Variants in ROBO2 observed in about 807,000 individuals in gnomAD.
ROBO2 encodes the protein roundabout homolog 2.
A neutral mutation model predicts 160.8 loss-of-function variants in ROBO2; 53 were observed. The observed-to-expected ratio is 0.33, with a 90% CI of 0.26 to 0.41. ROBO2 has a LOEUF of 0.41. Among genes scored for constraint, ROBO2 ranks in the 10% least tolerant of loss-of-function variants. The pLI is 1.00. For synonymous variants in ROBO2, 664 were observed against 611.7 expected (o/e 1.09, Z -1.26); for missense variants, 1,577 against 1,722.4 (o/e 0.92, Z 1.49).
At chr3:75,918,916 A>G (rs1010410904) in intron 1 of ROBO2, among the ~76,000 whole-genome samples, 21 of 152,168 alleles carry the variant, frequency 1.4e-4, no homozygotes, top group African/African-American at 5.1e-4. Flanking sequence ...AAAGTTGTTT[A>G]TCAGGTTAAG....
intron 2 of ROBO2, among the ~76,000 whole-genome samples, chr3:76,854,253 C>T (rs1309272678): frequency 6.6e-6 from 1 of 151,990 alleles, no homozygotes; most frequent in East Asian, 1.9e-4. Flanking sequence ...ATTTATATAA[C>T]CTGCTCCCTA....
chr3:76,847,678 A>G (rs927210831), intron 2 of ROBO2, among the ~76,000 whole-genome samples: 2 of 152,122 alleles, frequency 1.3e-5, no homozygotes, highest in Admixed American at 6.6e-5. Flanking sequence ...GGCATTGCTG[A>G]AAGGTGGTAT....
intron 2 of ROBO2, among the ~76,000 whole-genome samples, chr3:76,834,044 C>CTTTCTTTCCTT (rs1377976739): frequency 4.5e-5 from 5 of 112,174 alleles, no homozygotes; most frequent in Non-Finnish European, 7.6e-5. Flanking sequence ...TCTTTCCTTT[C>CTTTCTTTCCTT]TTTCTCTCCT....
intron 2 of ROBO2, among the ~76,000 whole-genome samples, chr3:76,833,024 T>C (rs2067221410): frequency 6.6e-6 from 1 of 152,158 alleles, no homozygotes; most frequent in African/African-American, 2.4e-5. Flanking sequence ...GAAAAAATTA[T>C]ATATAACATG....
chr3:76,638,941 T>G (rs1297639119), intron 2 of ROBO2, among the ~76,000 whole-genome samples: 1 of 152,174 alleles, frequency 6.6e-6, no homozygotes, highest in Admixed American at 6.5e-5. Flanking sequence ...TGTCAAGCAC[T>G]GGGGTGATAT....
At chr3:76,715,999 C>T (rs1404081251) in intron 2 of ROBO2, among the ~76,000 whole-genome samples, 1 of 152,138 alleles carries the variant, frequency 6.6e-6, no homozygotes, top group East Asian at 1.9e-4. Flanking sequence ...TGGTTGGAAG[C>T]TTTGTTCTGA....
intron 2 of ROBO2, among the ~76,000 whole-genome samples, chr3:76,319,148 A>T (rs1431790519): frequency 6.6e-6 from 1 of 152,172 alleles, no homozygotes; most frequent in Non-Finnish European, 1.5e-5. Context: ...ATTCAGTCTC[A>T]TCAGTCCTGA....
intron 2 of ROBO2, among the ~76,000 whole-genome samples, chr3:77,178,991 T>C (rs1402009022): frequency 2.6e-5 from 4 of 152,040 alleles, no homozygotes; most frequent in Admixed American, 1.3e-4. Flanking sequence ...TTCATTTTGA[T>C]GTATTTAGTG....
At chr3:76,708,445 A>G (rs2093216868) in intron 2 of ROBO2, among the ~76,000 whole-genome samples, 1 of 152,190 alleles carries the variant, frequency 6.6e-6, no homozygotes, top group Admixed American at 6.5e-5. Context: ...ATGAAGTGGA[A>G]GTTTAAGGAT....
intron 2 of ROBO2, among the ~76,000 whole-genome samples, chr3:76,628,168 A>G (rs2089786235): frequency 6.6e-6 from 1 of 152,152 alleles, no homozygotes; most frequent in African/African-American, 2.4e-5. Context: ...CTTGATTTTT[A>G]TTCACTAGAG....
intron 2 of ROBO2, among the ~76,000 whole-genome samples, chr3:76,517,778 G>T (rs1411335276): frequency 6.6e-6 from 1 of 152,104 alleles, no homozygotes; most frequent in African/African-American, 2.4e-5. Flanking sequence ...TATACTTGAA[G>T]TCACTTATAT....
intron 2 of ROBO2, among the ~76,000 whole-genome samples, chr3:76,799,342 C>T (rs1211289379): frequency 1.3e-5 from 2 of 152,056 alleles, no homozygotes; most frequent in Non-Finnish European, 2.9e-5. Flanking sequence ...CTACTCTCAC[C>T]ACTGTTATTC....
rs116217472 is a variant in ROBO2, at chr3:77,552,984, G to A, written c.1231+1995G>A. Among the ~76,000 whole-genome samples the A allele has an allele frequency of 3.6e-3, 551 of 152,066 alleles. 3 individuals carry two copies. Among genetic ancestry groups the A allele is most frequent in the African/African-American group, 0.012 (518 of 41,520 alleles). ...ATGGTAGAATGAAAACGTATGTCAT[G>A]TTCAGAGAAAGAAGTGATTACAGGC... is the stretch of plus-strand genomic sequence containing the variant. On this transcript the variant is annotated intron_variant, in intron 8 of 25. Transcript: ENST00000461745.
intron 2 of ROBO2, among the ~76,000 whole-genome samples, chr3:76,136,373 T>TGTG (rs1312857986): frequency 3.4e-4 from 52 of 152,072 alleles, no homozygotes; most frequent in Non-Finnish European, 5.9e-5. Context: ...TGACTTAAAA[T>TGTG]GAACAGTGTT....
chr3:75,927,976 CTTTTTTTTTTTTT>C (rs71101865), intron 1 of ROBO2, among the ~76,000 whole-genome samples: 5 of 104,002 alleles, frequency 4.8e-5, no homozygotes, highest in East Asian at 3.4e-4. Context: ...GATTTTCTCT[CTTTTTTTTTTTTT>C]TTTTTTTTTT....
intron 2 of ROBO2, among the ~76,000 whole-genome samples, chr3:76,658,822 A>G (rs2091693802): frequency 6.6e-6 from 1 of 152,128 alleles, no homozygotes; most frequent in South Asian, 2.1e-4. Context: ...TTCTTGAGTC[A>G]TATCTTTTCA....
At chr3:77,479,788 C>T (rs2084463773) in intron 3 of ROBO2, among the ~76,000 whole-genome samples, 1 of 152,112 alleles carries the variant, frequency 6.6e-6, no homozygotes, top group African/African-American at 2.4e-5. Context: ...TGACCTTACC[C>T]ACAAGTCTGG....
At chr3:76,379,389 G>A (rs68191158) in intron 2 of ROBO2, among the ~76,000 whole-genome samples, 31,776 of 151,908 alleles carry the variant, frequency 0.21, 3,895 homozygotes, top group African/African-American at 0.34. Context: ...AAATAGCTTT[G>A]TGTTATATAA....
chr3:75,923,859 T>G (rs1403057114), intron 1 of ROBO2, among the ~76,000 whole-genome samples: 1 of 152,212 alleles, frequency 6.6e-6, no homozygotes, highest in Non-Finnish European at 1.5e-5. Flanking sequence ...TCTGGCCTTT[T>G]GTGGCATAAC....
Sources: allele counts gnomAD v4.1 joint callset (sites outside exome capture counted in the v4.1 genomes callset), GRCh38; gene constraint gnomAD v4.1.1; transcripts MANE v1.5; gene names NCBI Gene and HGNC (gene_info 2026-07-23, HGNC 2026-07-21).